Variants in OSBP2 observed in about 807,000 individuals in gnomAD.
OSBP2 encodes the protein oxysterol-binding protein 2.
A neutral mutation model predicts 96.0 loss-of-function variants in OSBP2; 66 were observed. The observed-to-expected ratio is 0.69, with a 90% CI of 0.56 to 0.84. OSBP2 has a LOEUF of 0.84. OSBP2 is among the 40% of genes least tolerant of loss of function. The pLI is 0.00. For synonymous variants in OSBP2, 525 were observed against 520.9 expected, an observed-to-expected ratio of 1.01 and a Z score of -0.11; for missense variants, 1,038 against 1,222.7, an observed-to-expected ratio of 0.85 and a Z score of 2.25.
chr22:30,878,608 G>A (rs1216817410), intron 3 of OSBP2, among the ~76,000 whole-genome samples: 1 of 152,178 alleles, frequency 6.6e-6, no homozygotes, highest in Non-Finnish European at 1.5e-5. Flanking sequence ...GAGCTAGCTC[G>A]AGGTGCCCAG....
chr22:30,892,615 C>T (rs539716207), intron 8 of OSBP2, among the ~76,000 whole-genome samples: 4 of 152,216 alleles, frequency 2.6e-5, no homozygotes, highest in Admixed American at 2.0e-4. Flanking sequence ...AGGGGAGGGC[C>T]GGGCCCGGGG....
At position 30,828,001 on chromosome 22, in the gene OSBP2, G is replaced by A. The variant is rs146222484; in HGVS notation, c.854-42428G>A. Among the ~76,000 whole-genome samples, 4 of 152,340 alleles carry A rather than the reference G, an allele frequency of 2.6e-5. No individual in the cohort carries two copies. The East Asian group carries it at 5.8e-4, about 22-fold the overall frequency. The stretch of plus-strand genomic sequence containing the variant: ...CGTGTTGGTTGAATGGATGGTCAAG[G>A]GGAAGGCTATGGCCTGGGGACCCGC... On this transcript the variant is annotated intron_variant, in intron 2 of 13. Coordinates refer to ENST00000332585, the MANE Select transcript of OSBP2 (RefSeq NM_030758.4).
At chr22:30,861,377 G>T (rs2039207241) in intron 2 of OSBP2, among the ~76,000 whole-genome samples, 1 of 152,166 alleles carries the variant, frequency 6.6e-6, no homozygotes, top group Non-Finnish European at 1.5e-5. Flanking sequence ...TGGAGAAGTT[G>T]TCAGAGAGCC....
chr22:30,822,413 T>G (rs2038293406), intron 2 of OSBP2: 1 of 904,472 alleles, frequency 1.1e-6, no homozygotes, highest in Non-Finnish European at 1.5e-6. Flanking sequence ...GCACCGCCGC[T>G]CAGGCTGGGC....
intron 2 of OSBP2, among the ~76,000 whole-genome samples, chr22:30,852,994 T>G (rs2039005474): frequency 6.6e-6 from 1 of 152,232 alleles, no homozygotes; most frequent in Admixed American, 6.5e-5. Flanking sequence ...AGATACTCTT[T>G]ATCGTTTAAA....
intron 2 of OSBP2, chr22:30,822,605 G>A: frequency 2.6e-6 from 4 of 1,525,472 alleles, no homozygotes; most frequent in Non-Finnish European, 2.6e-6. Context: ...GCGCCCCGCC[G>A]ATTGGAGGCT....
Position 30,906,444 on chromosome 22 carries a change from C to A in OSBP2, c.*105C>A. The A allele has an allele frequency of 7.5e-7, 1 of 1,329,196 alleles. No individual in the cohort carries two copies. Among genetic ancestry groups the A allele is most frequent in the Non-Finnish European group, 1.0e-6 (1 of 997,014 alleles). The allele number at this position is 1,329,196 out of a possible 1,614,324, so 82.3% of individuals were successfully genotyped here. A position where few individuals can be genotyped will look rare whatever the true frequency, so the allele number is the denominator to read the frequency against. On this transcript the variant is annotated 3_prime_UTR_variant, in exon 14 of 14. Coordinates refer to ENST00000332585, the MANE Select transcript of OSBP2 (RefSeq NM_030758.4). ...GGTCTTTCTCCCAGCCCATTCCCAG[C>A]CCTTCCTATTTCCTTTCCTATTTTT...
chr22:30,843,863 G>A (rs971250184), intron 2 of OSBP2, among the ~76,000 whole-genome samples: 4 of 151,286 alleles, frequency 2.6e-5, no homozygotes, highest in Admixed American at 1.3e-4. Flanking sequence ...GTGAGACCCT[G>A]TCTCAAACAA....
intron 2 of OSBP2, among the ~76,000 whole-genome samples, chr22:30,854,978 A>C (rs200035394): frequency 3.0e-4 from 7 of 23,458 alleles, no homozygotes; most frequent in Middle Eastern, 0.053. Flanking sequence ...GGTGAAAGCC[A>C]ACTTATAAAA....
At chr22:30,751,717 G>A (rs539155191) in intron 2 of OSBP2, among the ~76,000 whole-genome samples, 42 of 152,072 alleles carry the variant, frequency 2.8e-4, no homozygotes, top group Admixed American at 5.9e-4. Context: ...TAAATCATCC[G>A]CCCACAGCCG....
At chr22:30,718,260 C>T (rs985326572) in intron 1 of OSBP2, among the ~76,000 whole-genome samples, 9 of 152,148 alleles carry the variant, frequency 5.9e-5, no homozygotes, top group Non-Finnish European at 1.2e-4. Flanking sequence ...AAAAGTTGTG[C>T]ACTTAAAATT....
chr22:30,769,274 T>C (rs2090317797), intron 2 of OSBP2, among the ~76,000 whole-genome samples: 1 of 152,188 alleles, frequency 6.6e-6, no homozygotes, highest in Non-Finnish European at 1.5e-5. Flanking sequence ...CTCTCTAAGC[T>C]CCAATTTCTT....
At chr22:30,841,697 C>A (rs1004396445) in intron 2 of OSBP2, among the ~76,000 whole-genome samples, 5 of 152,136 alleles carry the variant, frequency 3.3e-5, no homozygotes, top group Non-Finnish European at 5.9e-5. Context: ...TATATATCTT[C>A]ACTTAAAAAT....
intron 2 of OSBP2, among the ~76,000 whole-genome samples, chr22:30,832,327 G>A (rs766664295): frequency 1.4e-4 from 21 of 148,046 alleles, no homozygotes; most frequent in Admixed American, 6.8e-4. Flanking sequence ...ACAAAGTCTC[G>A]TTTTGTTGCC....
intron 2 of OSBP2, among the ~76,000 whole-genome samples, chr22:30,742,460 T>TA (rs1159287901): frequency 6.6e-6 from 1 of 152,084 alleles, no homozygotes; most frequent in East Asian, 1.9e-4. Flanking sequence ...CAACAGCTTC[T>TA]AAATCCTACA....
chr22:30,831,270 A>C (rs1424223833), intron 2 of OSBP2, among the ~76,000 whole-genome samples: 4 of 152,152 alleles, frequency 2.6e-5, no homozygotes, highest in Non-Finnish European at 5.9e-5. Context: ...TGGCCAGTAT[A>C]ATGTGCCTTG....
chr22:30,702,905 A>G (rs1488629400), intron 1 of OSBP2, among the ~76,000 whole-genome samples: 1 of 152,238 alleles, frequency 6.6e-6, no homozygotes. Flanking sequence ...TTTGTCTGTT[A>G]ATAGATGAGT....
At chr22:30,841,918 C>G (rs879819049) in intron 2 of OSBP2, among the ~76,000 whole-genome samples, 2 of 152,024 alleles carry the variant, frequency 1.3e-5, no homozygotes, top group Admixed American at 1.3e-4. Context: ...TGCATTCTAG[C>G]CTGGGTAATA....
chr22:30,775,117 G>A (rs755993677), intron 2 of OSBP2, among the ~76,000 whole-genome samples: 7 of 152,060 alleles, frequency 4.6e-5, no homozygotes, highest in South Asian at 2.1e-4. Flanking sequence ...ACAGTGTTGC[G>A]CGGCCATCAC....
Sources: gnomAD v4.1 joint callset for allele counts (sites outside exome capture counted in the v4.1 genomes callset) on GRCh38, gnomAD v4.1.1 for gene constraint, MANE v1.5 for transcripts, NCBI Gene and HGNC (gene_info 2026-07-23, HGNC 2026-07-21) for gene names.